Variants in CDH12 observed in about 807,000 individuals in gnomAD.
CDH12 encodes cadherin 12, also known as cadherin-12.
A neutral mutation model predicts 74.1 loss-of-function variants in CDH12; 41 were observed. That is an observed-to-expected ratio of 0.55 (90% CI 0.43 to 0.72). The LOEUF is 0.72. CDH12 is among the 30% of genes least tolerant of loss of function. CDH12 has a pLI of 0.00. For synonymous variants in CDH12, 399 were observed against 355.0 expected (o/e 1.12, Z -1.39); for missense variants, 945 against 977.2 (o/e 0.97, Z 0.44).
intron 1 of CDH12, among the ~76,000 whole-genome samples, chr5:22,772,598 GT>G (rs111866659): frequency 7.7e-4 from 117 of 151,832 alleles, no homozygotes; most frequent in African/African-American, 2.4e-3. Flanking sequence ...TATCTCACAC[GT>G]TTTTTTTAAA....
chr5:22,704,857 T>A (rs921836297), intron 1 of CDH12, among the ~76,000 whole-genome samples: 2 of 151,990 alleles, frequency 1.3e-5, no homozygotes, highest in African/African-American at 4.8e-5. Flanking sequence ...TTTGTTTTCT[T>A]TTGCCTCACA....
At position 22,302,461 on chromosome 5, in the gene CDH12, G is replaced by A. The variant is rs577860824; in HGVS notation, c.-332-89818C>T. On this transcript the variant is annotated intron_variant, in intron 3 of 14. Transcript: ENST00000382254. ...TGGAGATTGAGTAGATATTTTTCCAGGAAGTGGGTATTGAATTCCGCCTTG... is the reference window on the plus strand; with the variant it reads ...TGGAGATTGAGTAGATATTTTTCCAAGAAGTGGGTATTGAATTCCGCCTTG... Among the ~76,000 whole-genome samples the A allele has an allele frequency of 2.0e-5, 3 of 152,268 alleles. No individual in the cohort carries two copies. In the South Asian group the frequency reaches 6.2e-4, roughly 32 times the overall value.
chr5:22,097,787 C>T (rs1743877967), intron 4 of CDH12, among the ~76,000 whole-genome samples: 1 of 152,056 alleles, frequency 6.6e-6, no homozygotes, highest in African/African-American at 2.4e-5. Context: ...CCTTTCCACC[C>T]CATTAAAACC....
At chr5:22,483,767 T>G (rs1159606799) in intron 2 of CDH12, among the ~76,000 whole-genome samples, 1 of 114,524 alleles carries the variant, frequency 8.7e-6, no homozygotes, top group African/African-American at 3.4e-5. Flanking sequence ...TATATATAAA[T>G]TTAATTAATT....
At chr5:22,589,335 G>A (rs960765935) in intron 1 of CDH12, among the ~76,000 whole-genome samples, 1 of 152,084 alleles carries the variant, frequency 6.6e-6, no homozygotes, top group South Asian at 2.1e-4. Flanking sequence ...CCAATCCAGT[G>A]GAGATCAGCC....
chr5:22,559,396 A>G (rs1198374949), intron 1 of CDH12, among the ~76,000 whole-genome samples: 1 of 152,142 alleles, frequency 6.6e-6, no homozygotes, highest in Non-Finnish European at 1.5e-5. Flanking sequence ...AACAAAAGAG[A>G]AAAACAACAG....
intron 1 of CDH12, among the ~76,000 whole-genome samples, chr5:22,637,175 A>G (rs1738884925): frequency 6.6e-6 from 1 of 152,260 alleles, no homozygotes; most frequent in Admixed American, 6.5e-5. Flanking sequence ...AATTTCAGCT[A>G]TATACACAAA....
intron 4 of CDH12, among the ~76,000 whole-genome samples, chr5:22,118,913 G>C (rs934855877): frequency 3.9e-5 from 6 of 152,120 alleles, no homozygotes; most frequent in South Asian, 2.1e-4. Context: ...GGATGAAGTT[G>C]TTAAGCAGGC....
intron 5 of CDH12, among the ~76,000 whole-genome samples, chr5:22,020,923 T>A (rs1737931181): frequency 6.6e-6 from 1 of 152,058 alleles, no homozygotes; most frequent in Admixed American, 6.6e-5. Flanking sequence ...TTAAACAATC[T>A]TAACATTTCT....
intron 3 of CDH12, among the ~76,000 whole-genome samples, chr5:22,217,841 C>T (rs562853239): frequency 6.6e-6 from 1 of 151,236 alleles, no homozygotes. Context: ...ATAGGTTTAC[C>T]CTTTTGGAGA....
intron 1 of CDH12, among the ~76,000 whole-genome samples, chr5:22,682,513 A>C (rs1741549154): frequency 6.6e-6 from 1 of 152,060 alleles, no homozygotes; most frequent in South Asian, 2.1e-4. Context: ...TTCTATTTAA[A>C]ATTTTAAGTG....
intron 3 of CDH12, among the ~76,000 whole-genome samples, chr5:22,396,895 C>CT (rs1742484780): frequency 6.6e-6 from 1 of 152,072 alleles, no homozygotes; most frequent in African/African-American, 2.4e-5. Context: ...TGCCCAATAG[C>CT]TTTTTTCTTC....
chr5:22,850,428 G>A (rs1737497816), intron 1 of CDH12, among the ~76,000 whole-genome samples: 1 of 151,926 alleles, frequency 6.6e-6, no homozygotes, highest in South Asian at 2.1e-4. Context: ...AAAGCTCCCA[G>A]TAAAAATAAT....
chr5:21,895,152 A>G (rs1014218124), intron 6 of CDH12, among the ~76,000 whole-genome samples: 2 of 152,142 alleles, frequency 1.3e-5, no homozygotes, highest in Non-Finnish European at 2.9e-5. Flanking sequence ...CACAGAGAAG[A>G]AGACAGAGCT....
intron 3 of CDH12, among the ~76,000 whole-genome samples, chr5:22,273,456 C>T (rs1736494370): frequency 6.6e-6 from 1 of 152,140 alleles, no homozygotes; most frequent in Non-Finnish European, 1.5e-5. Flanking sequence ...AACAGTTACA[C>T]ACTTATAATT....
chr5:21,829,539 G>T (rs917107117), intron 8 of CDH12, among the ~76,000 whole-genome samples: 1 of 151,846 alleles, frequency 6.6e-6, no homozygotes, highest in Non-Finnish European at 1.5e-5. Context: ...TCATTTTCAT[G>T]GTTTTTAGTA....
intron 1 of CDH12, among the ~76,000 whole-genome samples, chr5:22,512,410 A>C (rs1383232781): frequency 6.6e-6 from 1 of 152,152 alleles, no homozygotes; most frequent in Non-Finnish European, 1.5e-5. Context: ...AATAAATGAC[A>C]CCAGAAAAAT....
At chr5:21,867,217 T>C (rs1372422021) in intron 6 of CDH12, among the ~76,000 whole-genome samples, 2 of 152,062 alleles carry the variant, frequency 1.3e-5, no homozygotes, top group Non-Finnish European at 1.5e-5. Flanking sequence ...TAGCCAGGTG[T>C]GGAGGTGTGT....
intron 1 of CDH12, among the ~76,000 whole-genome samples, chr5:22,676,282 AT>A (rs1332109190): frequency 2.6e-5 from 4 of 152,214 alleles, no homozygotes; most frequent in Non-Finnish European, 5.9e-5. Context: ...TATGTTTGCT[AT>A]TGACAGGAAA....
Sources: allele counts gnomAD v4.1 joint callset (sites outside exome capture counted in the v4.1 genomes callset), GRCh38; gene constraint gnomAD v4.1.1; transcripts MANE v1.5; gene names NCBI Gene and HGNC (gene_info 2026-07-23, HGNC 2026-07-21).